The following CLEC2A variants were observed in gnomAD, a reference collection of about 807,000 sequenced individuals.
CLEC2A encodes C-type lectin domain family 2 member A, also known as keratinocyte-associated C-type lectin.
CLEC2A carries 19 observed loss-of-function variants against 18.6 expected under a neutral mutation model. The ratio of observed to expected loss-of-function variants is 1.02; its 90% CI spans 0.71 to 1.50. The LOEUF (loss-of-function observed/expected upper bound fraction) is 1.50. Ranked by LOEUF, CLEC2A falls within the 40% of genes most tolerant of loss-of-function variation. The pLI is 0.00. For missense variants in CLEC2A, 190 were observed against 207.9 expected, an observed-to-expected ratio of 0.91 and a Z score of 0.53; for synonymous variants, 74 against 64.0, an observed-to-expected ratio of 1.16 and a Z score of -0.75.
At chr12:9,880,139 T>G in the CLEC2A span, among the ~76,000 whole-genome samples, 8 of 152,296 alleles carry the variant, frequency 5.3e-5, no homozygotes, top group South Asian at 1.0e-3. Context: ...AGGTAAGTCT[T>G]CCCACTGAAC....
chr12:9,886,007 G>C, the CLEC2A span, among the ~76,000 whole-genome samples: 1 of 151,948 alleles, frequency 6.6e-6, no homozygotes. Context: ...ACCTTTACAG[G>C]CCACTCTGCT....
chr12:9,902,949 G>C (rs564330781), intron 4 of CLEC2A, among the ~76,000 whole-genome samples: 10 of 152,288 alleles, frequency 6.6e-5, no homozygotes, highest in African/African-American at 2.4e-4. Context: ...AAGGGAAGAG[G>C]TCTGCCTGTG....
intron 1 of CLEC2A, among the ~76,000 whole-genome samples, chr12:9,928,918 T>C (rs1326552624): frequency 1.3e-5 from 2 of 152,226 alleles, no homozygotes; most frequent in Non-Finnish European, 1.5e-5. Flanking sequence ...ATAAGTGTTT[T>C]GGAAAATTCT....
the CLEC2A span, among the ~76,000 whole-genome samples, chr12:9,889,572 G>A: frequency 2.6e-5 from 4 of 151,926 alleles, no homozygotes; most frequent in Non-Finnish European, 4.4e-5. Flanking sequence ...GGCCTATTCT[G>A]TGCGTTTTGG....
chr12:9,894,119 C>CTTTT (rs758422634), downstream of CLEC2A, among the ~76,000 whole-genome samples: 4 of 95,116 alleles, frequency 4.2e-5, no homozygotes, highest in Non-Finnish European at 6.3e-5. Context: ...CTTTTTCTTT[C>CTTTT]TTTTCTTTCT....
Position 9,904,491 on chromosome 12 carries a change from C to A in CLEC2A, c.411-5515G>T, listed in dbSNP as rs150200056. Among the ~76,000 whole-genome samples, 193 of 152,278 alleles carry A rather than the reference C, an allele frequency of 1.3e-3. 1 individual carries two copies. The highest frequency in any genetic ancestry group is 2.1e-3 in the Non-Finnish European group (146 of 68,014). On this transcript the variant is annotated intron_variant, in intron 4 of 4. Transcript: ENST00000339766. ...TCTAGAGCTATGGTCTGCCTTAAATCTTTTACCTCTACAACCATTACCTTA... is the reference window on the plus strand; with the variant it reads ...TCTAGAGCTATGGTCTGCCTTAAATATTTTACCTCTACAACCATTACCTTA...
At chr12:9,913,145 A>G, downstream of CLEC2A, 1 of 202,722 alleles carries the variant, frequency 4.9e-6, no homozygotes, top group Non-Finnish European at 8.7e-6. Context: ...GGTCACTTTG[A>G]TATTTATTAC....
chr12:9,895,521 T>C (rs1467413719), downstream of CLEC2A, among the ~76,000 whole-genome samples: 1 of 152,166 alleles, frequency 6.6e-6, no homozygotes, highest in East Asian at 1.9e-4. Context: ...GTTACCAAGA[T>C]AGGAAAGAGG....
At chr12:9,886,690 C>T in the CLEC2A span, among the ~76,000 whole-genome samples, 1 of 151,132 alleles carries the variant, frequency 6.6e-6, no homozygotes, top group African/African-American at 2.4e-5. Context: ...ACTTTCTAAG[C>T]CATGCTCTTT....
At chr12:9,894,046 C>CTTCTCTTTCTTTTTCTTTG (rs1862721867), downstream of CLEC2A, among the ~76,000 whole-genome samples, 1 of 151,000 alleles carries the variant, frequency 6.6e-6, no homozygotes, top group Admixed American at 6.6e-5. Flanking sequence ...CTTTTTCTTT[C>CTTCTCTTTCTTTTTCTTTG]TTTCTTTCTC....
At chr12:9,888,824 T>C in the CLEC2A span, 5 of 1,265,804 alleles carry the variant, frequency 4.0e-6, no homozygotes, top group Non-Finnish European at 5.5e-6. Flanking sequence ...TAGGGGTAAA[T>C]TTAGTTTTGG....
chr12:9,887,500 A>AT, the CLEC2A span, among the ~76,000 whole-genome samples: 1 of 152,124 alleles, frequency 6.6e-6, no homozygotes. Flanking sequence ...TCAAGTAAAT[A>AT]TTTTTTCCAT....
intron 4 of CLEC2A, among the ~76,000 whole-genome samples, chr12:9,902,247 T>G (rs1862840476): frequency 6.6e-6 from 1 of 151,588 alleles, no homozygotes; most frequent in Non-Finnish European, 1.5e-5. Flanking sequence ...TTTTTTTTTT[T>G]TTTTGAGATT....
chr12:9,921,861 G>A (rs1240553577), intron 3 of CLEC2A, among the ~76,000 whole-genome samples: 1 of 152,168 alleles, frequency 6.6e-6, no homozygotes. Context: ...ATATTGAGTA[G>A]GCTGAGGAGG....
At chr12:9,930,765 G>A (rs1216514749) in intron 1 of CLEC2A, among the ~76,000 whole-genome samples, 2 of 151,320 alleles carry the variant, frequency 1.3e-5, no homozygotes, top group Non-Finnish European at 2.9e-5. Context: ...TCAGATTCTT[G>A]TTATCTAGAA....
At chr12:9,924,684 C>G (rs1021027543) in intron 2 of CLEC2A, among the ~76,000 whole-genome samples, 5 of 152,092 alleles carry the variant, frequency 3.3e-5, no homozygotes, top group African/African-American at 1.2e-4. Context: ...TCCAATGAGA[C>G]AGTCTTGCAA....
chr12:9,919,151 G>A (rs1218069301), intron 3 of CLEC2A, among the ~76,000 whole-genome samples: 1 of 152,206 alleles, frequency 6.6e-6, no homozygotes, highest in Admixed American at 6.5e-5. Context: ...TTGTGACTTG[G>A]CAATTCTAGG....
At chr12:9,897,682 T>C (rs1293332967), downstream of CLEC2A, among the ~76,000 whole-genome samples, 2 of 151,954 alleles carry the variant, frequency 1.3e-5, no homozygotes, top group Non-Finnish European at 2.9e-5. Context: ...AGCTTTGAAT[T>C]CTCGGTGGCT....
At chr12:9,890,691 A>G in the CLEC2A span, among the ~76,000 whole-genome samples, 2 of 152,258 alleles carry the variant, frequency 1.3e-5, no homozygotes, top group East Asian at 1.9e-4. Context: ...AGATTAACTC[A>G]AAATCAACAG....
Sources: gnomAD v4.1 joint callset for allele counts (sites outside exome capture counted in the v4.1 genomes callset) on GRCh38, gnomAD v4.1.1 for gene constraint, MANE v1.5 for transcripts, NCBI Gene and HGNC (gene_info 2026-07-23, HGNC 2026-07-21) for gene names.